AFF1: variants seen among roughly 807,000 people sequenced by gnomAD.
AFF1 encodes ALF transcription elongation factor 1.
AFF1 carries 48 observed loss-of-function variants against 121.7 expected under a neutral mutation model. That is an observed-to-expected ratio of 0.39 (90% CI 0.31 to 0.50). The LOEUF (loss-of-function observed/expected upper bound fraction) is 0.50, where lower values mean the gene tolerates loss of function less well. Among genes scored for constraint, AFF1 ranks in the 20% least tolerant of loss-of-function variants. The pLI, the probability that AFF1 is intolerant of heterozygous loss-of-function variation, is 0.76. For synonymous variants in AFF1, 613 were observed against 563.0 expected (o/e 1.09, Z -1.26); for missense variants, 1,523 against 1,511.7 (o/e 1.01, Z -0.12).
chr4:87,055,142 ATTTATT>A (rs1440260821), intron 4 of AFF1, among the ~76,000 whole-genome samples: 2 of 152,124 alleles, frequency 1.3e-5, no homozygotes, highest in African/African-American at 4.8e-5. Flanking sequence ...TGCTTGGCTG[ATTTATT>A]TTTATTTTTT....
Position 87,046,697 on chromosome 4 carries a change from A to G in AFF1, c.162A>G (p.Thr54=), listed in dbSNP as rs1730728178. The G allele has an allele frequency of 2.5e-6, 4 of 1,588,656 alleles. No individual in the cohort carries two copies. Among genetic ancestry groups the G allele is most frequent in the Non-Finnish European group, 3.4e-6 (4 of 1,168,212 alleles). The change falls in exon 4 of 21, where the codon ACA becomes ACG. Residue 54 remains threonine, a splice_region_variant and synonymous_variant. Transcript: ENST00000395146. ...CTCAAATTCTCCTTTTTTTTCAGAC[A>G]GCAAAAGGTGATGAGCTGTCTAGTC... ...KIPLFGEPYK[T]AKGDELSSRI...
At chr4:87,013,973 A>G (rs867912320) in intron 2 of AFF1, among the ~76,000 whole-genome samples, 4 of 152,172 alleles carry the variant, frequency 2.6e-5, no homozygotes, top group Middle Eastern at 3.2e-3. Flanking sequence ...GTATGATGCT[A>G]TTAAATTTTG....
At chr4:86,995,900 T>G (rs1725128092) in intron 2 of AFF1, among the ~76,000 whole-genome samples, 2 of 147,830 alleles carry the variant, frequency 1.4e-5, no homozygotes, top group South Asian at 4.3e-4. Context: ...TCGTCTGAGA[T>G]GTGGGGAGCA....
chr4:87,013,498 C>T (rs185906052), intron 2 of AFF1, among the ~76,000 whole-genome samples: 6 of 152,024 alleles, frequency 3.9e-5, no homozygotes, highest in Admixed American at 6.6e-5. Context: ...GTCTTTATTT[C>T]GGTATGTTTT....
chr4:87,095,801 T>TC (rs1442537527), intron 8 of AFF1, among the ~76,000 whole-genome samples: 2 of 145,340 alleles, frequency 1.4e-5, no homozygotes, highest in Non-Finnish European at 3.1e-5. Flanking sequence ...GGTATTGAAC[T>TC]CTTACTACTT....
chr4:87,050,206 A>C lies in AFF1; in HGVS notation c.1059+2612A>C, dbSNP rs748248398. Among the ~76,000 whole-genome samples, 67 of 150,190 alleles carry C rather than the reference A, an allele frequency of 4.5e-4. No individual in the cohort carries two copies. The Middle Eastern group carries it at 0.014, about 30-fold the overall frequency. On this transcript the variant is annotated intron_variant, in intron 4 of 20. Coordinates refer to ENST00000395146, the MANE Select transcript of AFF1 (RefSeq NM_001166693.3). The stretch of plus-strand genomic sequence containing the variant: ...TTTTTGGGTTTGGGGCAGAAGGGGA[A>C]GCTGTCTCTTGGTAGAGCTGGGAGA...
intron 2 of AFF1, among the ~76,000 whole-genome samples, chr4:86,962,719 G>A (rs551474491): frequency 1.8e-4 from 28 of 152,262 alleles, no homozygotes; most frequent in African/African-American, 6.0e-4. Flanking sequence ...AAGTGATGAT[G>A]AGTCTGATTT....
chr4:87,109,444 T>C (rs1726246190), intron 11 of AFF1, among the ~76,000 whole-genome samples: 1 of 152,244 alleles, frequency 6.6e-6, no homozygotes, highest in South Asian at 2.1e-4. Flanking sequence ...TTAACTGCAC[T>C]TGAAGTGCCT....
In AFF1 at chr4:87,091,774, AT is replaced by A. The variant is rs1724339835; in HGVS notation, c.1192-14del. On this transcript the variant is annotated intron_variant, in intron 6 of 20. Transcript: ENST00000395146. The stretch of plus-strand genomic sequence containing the variant: ...AGCCTTAATCTTTTAATAATTAGAT[AT>A]TTTTATTTTCTTTCTAGGACTCTCA... The A allele has an allele frequency of 6.7e-6, 10 of 1,483,964 alleles. No homozygotes were observed. The highest frequency in any genetic ancestry group is 1.3e-5 in the South Asian group (1 of 77,480). The allele number at this position is 1,483,964 out of a possible 1,614,324, so 91.9% of individuals were successfully genotyped here. A position where few individuals can be genotyped will look rare whatever the true frequency, so the allele number is the denominator to read the frequency against.
intron 2 of AFF1, among the ~76,000 whole-genome samples, chr4:86,994,009 T>A (rs1271381074): frequency 6.6e-6 from 1 of 152,158 alleles, no homozygotes; most frequent in Non-Finnish European, 1.5e-5. Context: ...AGATTCTGAT[T>A]CAGGAAATCT....
intron 5 of AFF1, among the ~76,000 whole-genome samples, chr4:87,086,415 G>A (rs1038740427): frequency 1.3e-5 from 2 of 152,106 alleles, no homozygotes; most frequent in Non-Finnish European, 2.9e-5. Flanking sequence ...GAACCCATCC[G>A]TCCTCCTTCC....
At chr4:86,980,954 C>CCA (rs1410742491) in intron 2 of AFF1, among the ~76,000 whole-genome samples, 3 of 136,972 alleles carry the variant, frequency 2.2e-5, no homozygotes, top group African/African-American at 7.8e-5. Flanking sequence ...GGCACCCCCC[C>CCA]CCTCCACCAA....
At chr4:87,117,787 G>A (rs1340135114) in intron 12 of AFF1, among the ~76,000 whole-genome samples, 2 of 152,202 alleles carry the variant, frequency 1.3e-5, no homozygotes, top group African/African-American at 4.8e-5. Flanking sequence ...ACTTCCTGCT[G>A]GATTCTGGAT....
chr4:86,943,805 C>A (rs1181623483), intron 1 of AFF1, among the ~76,000 whole-genome samples: 2 of 151,648 alleles, frequency 1.3e-5, no homozygotes, highest in East Asian at 3.9e-4. Context: ...ACTAAAAATA[C>A]AAAAAAATTA....
At chr4:86,952,865 T>TTTTA (rs200677248) in intron 2 of AFF1, among the ~76,000 whole-genome samples, 24,305 of 145,470 alleles carry the variant, frequency 0.17, 2,311 homozygotes, top group East Asian at 0.29. Context: ...ATTTTGTATT[T>TTTTA]TTTATTTATT....
chr4:86,969,879 CAAAA>C lies in AFF1; in HGVS notation c.38+21323_38+21326del, dbSNP rs70953629. Among the ~76,000 whole-genome samples, 155 of 63,630 alleles carry C rather than the reference CAAAA, an allele frequency of 2.4e-3. 4 individuals are homozygous for C. The highest frequency in any genetic ancestry group is 7.7e-3 in the African/African-American group (144 of 18,604). 41.7% of individuals were successfully genotyped at this position (63,630 alleles called of 152,430 possible). ...TGGGCGGAAGAGCGAGACTCCGTCT[CAAAA>C]AAAAAAAAAAAAAAGGTAAGATAGT... is the stretch of plus-strand genomic sequence containing the variant. On this transcript the variant is annotated intron_variant, in intron 2 of 20. Transcript: ENST00000395146.
chr4:87,070,210 G>C (rs529020978), intron 4 of AFF1, among the ~76,000 whole-genome samples: 6 of 152,252 alleles, frequency 3.9e-5, no homozygotes, highest in Admixed American at 2.6e-4. Flanking sequence ...CACCATGTTG[G>C]CGAGGCTAGT....
intron 2 of AFF1, among the ~76,000 whole-genome samples, chr4:86,992,977 C>T (rs564870344): frequency 6.6e-6 from 1 of 152,282 alleles, no homozygotes; most frequent in African/African-American, 2.4e-5. Context: ...AAAAAACATG[C>T]TTTCCTATAG....
intron 2 of AFF1, among the ~76,000 whole-genome samples, chr4:87,030,899 G>A (rs956149044): frequency 2.0e-5 from 3 of 152,094 alleles, no homozygotes; most frequent in Admixed American, 6.5e-5. Context: ...AATGGTGATC[G>A]GTTTTGTTTG....
Sources: gnomAD v4.1 joint callset for allele counts (sites outside exome capture counted in the v4.1 genomes callset) on GRCh38, gnomAD v4.1.1 for gene constraint, MANE v1.5 for transcripts, NCBI Gene and HGNC (gene_info 2026-07-23, HGNC 2026-07-21) for gene names.